BACH2: variants seen among roughly 807,000 people sequenced by gnomAD.
BACH2 encodes transcription regulator protein BACH2.
A neutral mutation model predicts 61.8 loss-of-function variants in BACH2; 5 were observed. The ratio of observed to expected loss-of-function variants is 0.08; its 90% CI spans 0.04 to 0.17. BACH2 has a LOEUF of 0.17. BACH2 is among the 10% of genes least tolerant of loss of function. The pLI is 1.00. For missense variants in BACH2, 824 were observed against 1,091.1 expected (o/e 0.76, Z 3.45); for synonymous variants, 446 against 440.1 (o/e 1.01, Z -0.17).
intron 7 of BACH2, among the ~76,000 whole-genome samples, chr6:89,940,121 C>G (rs542086664): frequency 7.1e-4 from 108 of 152,250 alleles, no homozygotes; most frequent in Non-Finnish European, 1.3e-3. Context: ...AGCGATTCTC[C>G]TGCCTCACCT....
chr6:90,085,940 A>T (rs1421871065), intron 5 of BACH2, among the ~76,000 whole-genome samples: 4 of 152,182 alleles, frequency 2.6e-5, no homozygotes, highest in African/African-American at 9.6e-5. Flanking sequence ...GGAACTCTCC[A>T]ATCTTCCCAA....
chr6:89,953,035 G>T, intron 6 of BACH2: 1 of 152,176 alleles, frequency 6.6e-6, no homozygotes, highest in East Asian at 1.9e-4. Flanking sequence ...GCAATCATGG[G>T]GTCCTTGCTA....
chr6:90,134,815 C>T (rs1350979358), intron 4 of BACH2, among the ~76,000 whole-genome samples: 1 of 152,200 alleles, frequency 6.6e-6, no homozygotes, highest in Non-Finnish European at 1.5e-5. Context: ...GGCAGGTAGC[C>T]TCTGTGGGAG....
At chr6:90,224,285 C>T (rs1769837882) in intron 3 of BACH2, among the ~76,000 whole-genome samples, 1 of 152,162 alleles carries the variant, frequency 6.6e-6, no homozygotes, top group South Asian at 2.1e-4. Flanking sequence ...ACAGAATGTA[C>T]ATCACTAAGT....
chr6:90,022,941 A>G (rs1250855889), intron 5 of BACH2, among the ~76,000 whole-genome samples: 2 of 152,206 alleles, frequency 1.3e-5, no homozygotes, highest in East Asian at 3.9e-4. Context: ...ATTGTTCAGA[A>G]TAACTCCCAA....
intron 6 of BACH2, among the ~76,000 whole-genome samples, chr6:89,992,501 G>A (rs1474715551): frequency 2.0e-5 from 3 of 152,176 alleles, no homozygotes; most frequent in Non-Finnish European, 4.4e-5. Context: ...TTAGCTGGGC[G>A]TGGTGGCACA....
At chr6:90,172,163 G>T (rs554915286) in intron 4 of BACH2, among the ~76,000 whole-genome samples, 3 of 152,092 alleles carry the variant, frequency 2.0e-5, no homozygotes, top group African/African-American at 7.2e-5. Context: ...AAAATTAGCT[G>T]GGCGTGGTGG....
In BACH2 at chr6:89,951,918, A is replaced by G; in HGVS notation, c.244-56T>C. 1 of 1,565,252 alleles carries G rather than the reference A, an allele frequency of 6.4e-7. No homozygotes were observed. ...TACCATCAGCACTGCTATTGTCCCG[A>G]ATCCCTCAACTGAAGCAAGATAACC... is the stretch of plus-strand genomic sequence containing the variant. On this transcript the variant is annotated intron_variant, in intron 6 of 8. Transcript: ENST00000257749. The surrounding 1 kb of genome is among the most constrained non-coding windows in gnomAD (Gnocchi z 6.4).
chr6:89,998,209 G>A (rs1360630850), intron 6 of BACH2, among the ~76,000 whole-genome samples: 1 of 151,822 alleles, frequency 6.6e-6, no homozygotes, highest in Non-Finnish European at 1.5e-5. Context: ...GGCCTTGCTT[G>A]GGAACAGCTG....
At chr6:90,158,833 T>C (rs74549719) in intron 4 of BACH2, among the ~76,000 whole-genome samples, 5,410 of 151,550 alleles carry the variant, frequency 0.036, 124 homozygotes, top group South Asian at 0.098. Flanking sequence ...TGCCACAAAG[T>C]CCTCTCTCAG....
At chr6:90,011,333 A>G (rs1322729883) in intron 5 of BACH2, among the ~76,000 whole-genome samples, 1 of 152,038 alleles carries the variant, frequency 6.6e-6, no homozygotes, top group Non-Finnish European at 1.5e-5. Context: ...TTACCTTTGT[A>G]TTTTTACTGA....
chr6:89,932,456 C>T lies in BACH2; in HGVS notation c.2478G>A (p.Met826Ile). The change falls in exon 9 of 9, where the codon ATG becomes ATA. Residue 826 changes from methionine (M) to isoleucine (I), a missense_variant. Around this residue, in one of 8 missense-constraint regions of BACH2, gnomAD observed 135 missense variants for 142.7 expected, o/e 0.95. Coordinates refer to ENST00000257749, the MANE Select transcript of BACH2 (RefSeq NM_021813.4). ...QTVTVDFCQE[M>I]TDKCTTDEQP... ...GTTCGTCAGTTGTACACTTATCAGT[C>T]ATTTCCTGGCAGAAGTCCACGGTCA... 6.2e-7 allele frequency: 1 copy of T among 1,614,138 alleles called. No individual in the cohort carries two copies. Among genetic ancestry groups the T allele is most frequent in the Non-Finnish European group, 8.5e-7 (1 of 1,180,022 alleles).
chr6:90,156,246 T>C (rs1408350113), intron 4 of BACH2, among the ~76,000 whole-genome samples: 1 of 152,202 alleles, frequency 6.6e-6, no homozygotes, highest in Admixed American at 6.5e-5. Context: ...TTTAATACTT[T>C]TGTATAGCAC....
intron 3 of BACH2, among the ~76,000 whole-genome samples, chr6:90,236,611 A>G (rs1412257474): frequency 2.6e-5 from 4 of 152,212 alleles, no homozygotes; most frequent in East Asian, 1.9e-4. Flanking sequence ...GGGGCTGGCC[A>G]TATGTGCAAA....
intron 5 of BACH2, among the ~76,000 whole-genome samples, chr6:90,066,335 T>C (rs959973769): frequency 3.3e-5 from 5 of 152,090 alleles, no homozygotes; most frequent in Admixed American, 1.3e-4. Context: ...GTAGAAGCTA[T>C]AGCTGGCCAT....
At chr6:89,965,767 T>G (rs1012691183) in intron 6 of BACH2, among the ~76,000 whole-genome samples, 1 of 152,150 alleles carries the variant, frequency 6.6e-6, no homozygotes, top group Non-Finnish European at 1.5e-5. Context: ...AGATCACACG[T>G]CTCTTATGGA....
chr6:90,190,850 G>A (rs1386487179), intron 4 of BACH2, among the ~76,000 whole-genome samples: 1 of 152,204 alleles, frequency 6.6e-6, no homozygotes, highest in Non-Finnish European at 1.5e-5. Flanking sequence ...CCACTGCTTT[G>A]TTTCACATAT....
intron 1 of BACH2, among the ~76,000 whole-genome samples, chr6:90,279,558 T>C (rs1417874952): frequency 1.3e-5 from 2 of 151,186 alleles, no homozygotes; most frequent in Non-Finnish European, 2.9e-5. Context: ...TACTTTATCA[T>C]TTTATAAAGC....
At chr6:90,274,473 C>G (rs563626814) in intron 1 of BACH2, among the ~76,000 whole-genome samples, 1 of 152,254 alleles carries the variant, frequency 6.6e-6, no homozygotes, top group Non-Finnish European at 1.5e-5. Flanking sequence ...AAAGTGCCAA[C>G]AAGAAAATCC....
Sources: gnomAD v4.1 joint callset for allele counts (sites outside exome capture counted in the v4.1 genomes callset) on GRCh38, gnomAD v4.1.1 for gene constraint, gnomAD v4.1.1 regional missense constraint, Gnocchi (gnomAD v3.1) non-coding constraint, MANE v1.5 for transcripts, NCBI Gene and HGNC (gene_info 2026-07-23, HGNC 2026-07-21) for gene names.